Variants in FBXL7 observed in about 807,000 individuals in gnomAD.
The protein encoded by FBXL7 is F-box and leucine rich repeat protein 7, also known as F-box/LRR-repeat protein 7.
Under a neutral mutation model 38.3 loss-of-function variants are expected in FBXL7, and 12 were observed. That is an observed-to-expected ratio of 0.31 (90% CI 0.20 to 0.51). FBXL7 has a LOEUF of 0.51. Among genes scored for constraint, FBXL7 ranks in the 20% least tolerant of loss-of-function variants. The pLI is 0.98. For synonymous variants in FBXL7, 297 were observed against 300.9 expected (o/e 0.99, Z 0.13); for missense variants, 567 against 676.4 (o/e 0.84, Z 1.79).
rs979679770 is a variant in FBXL7, at chr5:15,514,974, C to T, written c.37+14261C>T. Among the ~76,000 whole-genome samples, 8 of 152,170 alleles carry T rather than the reference C, an allele frequency of 5.3e-5. No homozygotes were observed. The South Asian group carries it at 6.2e-4, about 12-fold the overall frequency. On this transcript the variant is annotated intron_variant, in intron 1 of 3. Coordinates refer to ENST00000504595, the MANE Select transcript of FBXL7 (RefSeq NM_012304.5). The stretch of plus-strand genomic sequence containing the variant: ...ACATCATAGACCACCTTCTCTCTGT[C>T]CAGTTTGCCTTCTCTCCTTGCCTTT...
chr5:15,625,291 T>C (rs1740774352), intron 2 of FBXL7, among the ~76,000 whole-genome samples: 1 of 152,192 alleles, frequency 6.6e-6, no homozygotes, highest in Admixed American at 6.5e-5. Context: ...TTAGTCATTA[T>C]ATAGGATCTA....
intron 1 of FBXL7, 78 bp downstream of exon 1, chr5:15,500,791 A>G: frequency 2.6e-6 from 4 of 1,542,264 alleles, no homozygotes; most frequent in Non-Finnish European, 3.5e-6. Context: ...CTGGGAAGGG[A>G]GGTTCTCGCC....
chr5:15,922,945 A>G (rs1379125781), intron 2 of FBXL7, among the ~76,000 whole-genome samples: 1 of 152,260 alleles, frequency 6.6e-6, no homozygotes, highest in African/African-American at 2.4e-5. Context: ...ATTCACTTGG[A>G]ATAGATATTC....
At chr5:15,706,443 C>G (rs1268462895) in intron 2 of FBXL7, among the ~76,000 whole-genome samples, 1 of 152,176 alleles carries the variant, frequency 6.6e-6, no homozygotes, top group Non-Finnish European at 1.5e-5. Context: ...GCCTGCAGAA[C>G]CATGAGCCAA....
intron 2 of FBXL7, among the ~76,000 whole-genome samples, chr5:15,620,778 T>C (rs1483578495): frequency 1.3e-5 from 2 of 152,184 alleles, no homozygotes; most frequent in African/African-American, 4.8e-5. Context: ...TGACTCATCA[T>C]GGTAATATTT....
chr5:15,541,557 T>TC (rs1318519941), intron 1 of FBXL7, among the ~76,000 whole-genome samples: 1 of 140,718 alleles, frequency 7.1e-6, no homozygotes, highest in Non-Finnish European at 1.6e-5. Context: ...TTTTTTTTTT[T>TC]TTTTTGAGAC....
intron 2 of FBXL7, among the ~76,000 whole-genome samples, chr5:15,731,173 A>G (rs1735572898): frequency 6.6e-6 from 1 of 152,160 alleles, no homozygotes; most frequent in Non-Finnish European, 1.5e-5. Context: ...GGGAGGAAGG[A>G]TCCTCAAGGG....
At chr5:15,635,988 T>C (rs1741176625) in intron 2 of FBXL7, among the ~76,000 whole-genome samples, 1 of 152,010 alleles carries the variant, frequency 6.6e-6, no homozygotes, top group Non-Finnish European at 1.5e-5. Flanking sequence ...CTCTGAACTA[T>C]TTGTCTATAG....
chr5:15,698,259 T>C (rs1356869482), intron 2 of FBXL7, among the ~76,000 whole-genome samples: 1 of 152,192 alleles, frequency 6.6e-6, no homozygotes, highest in African/African-American at 2.4e-5. Flanking sequence ...GGCAAATTGG[T>C]ACACATCCCA....
intron 2 of FBXL7, among the ~76,000 whole-genome samples, chr5:15,900,015 C>A (rs7715223): frequency 0.19 from 28,380 of 151,980 alleles, 2,765 homozygotes; most frequent in Admixed American, 0.25. Flanking sequence ...TACCTGGTAA[C>A]CACACTATGA....
At chr5:15,602,004 G>A (rs1739811098) in intron 1 of FBXL7, among the ~76,000 whole-genome samples, 1 of 152,112 alleles carries the variant, frequency 6.6e-6, no homozygotes, top group Admixed American at 6.5e-5. Flanking sequence ...GGCACACAGA[G>A]GGAAGACAGC....
At chr5:15,704,796 C>G (rs1025545438) in intron 2 of FBXL7, among the ~76,000 whole-genome samples, 1 of 152,106 alleles carries the variant, frequency 6.6e-6, no homozygotes, top group African/African-American at 2.4e-5. Context: ...GTATAAGTTA[C>G]TAGAGCCCTT....
intron 1 of FBXL7, among the ~76,000 whole-genome samples, chr5:15,515,476 T>C (rs1024934266): frequency 6.6e-6 from 1 of 152,170 alleles, no homozygotes; most frequent in Non-Finnish European, 1.5e-5. Context: ...ATTTGCCTGA[T>C]CCGTTTGCTC....
chr5:15,512,665 T>C (rs1430521058), intron 1 of FBXL7, among the ~76,000 whole-genome samples: 1 of 152,168 alleles, frequency 6.6e-6, no homozygotes, highest in Non-Finnish European at 1.5e-5. Context: ...TAGTTTTGCT[T>C]GTATATTTAA....
chr5:15,875,943 A>T (rs1740184468), intron 2 of FBXL7, among the ~76,000 whole-genome samples: 1 of 152,244 alleles, frequency 6.6e-6, no homozygotes, highest in Admixed American at 6.5e-5. Context: ...CTATAAAGAC[A>T]CATGCACACG....
intron 1 of FBXL7, among the ~76,000 whole-genome samples, chr5:15,509,597 A>C (rs1409834752): frequency 6.6e-6 from 1 of 152,202 alleles, no homozygotes; most frequent in Admixed American, 6.5e-5. Flanking sequence ...TAAAAACAAA[A>C]CCCCAAAACC....
Position 15,838,452 on chromosome 5 carries a change from C to T in FBXL7, c.128-89438C>T, listed in dbSNP as rs546645299. Among the ~76,000 whole-genome samples the T allele has an allele frequency of 9.2e-5, 14 of 152,168 alleles. 1 individual carries two copies. Among genetic ancestry groups the T allele is most frequent in the African/African-American group, 3.4e-4 (14 of 41,500 alleles). Reference sequence around the variant, plus strand: ...CATGACCTAATCACCTCCCAGGCACCCCACCTCCTAATGCCATAACATTGG... The same window carrying T: ...CATGACCTAATCACCTCCCAGGCACTCCACCTCCTAATGCCATAACATTGG... On this transcript the variant is annotated intron_variant, in intron 2 of 3. Coordinates refer to ENST00000504595, the MANE Select transcript of FBXL7 (RefSeq NM_012304.5).
chr5:15,877,418 T>C (rs1740255147), intron 2 of FBXL7, among the ~76,000 whole-genome samples: 1 of 152,196 alleles, frequency 6.6e-6, no homozygotes, highest in Admixed American at 6.5e-5. Context: ...TTCCTTCTTG[T>C]TGCCTGTTAA....
At chr5:15,896,608 C>A (rs544052798) in intron 2 of FBXL7, among the ~76,000 whole-genome samples, 1 of 152,250 alleles carries the variant, frequency 6.6e-6, no homozygotes, top group South Asian at 2.1e-4. Context: ...GCCAGTTCCT[C>A]CTTCCTCTGC....
Sources: gnomAD v4.1 joint callset for allele counts (sites outside exome capture counted in the v4.1 genomes callset) on GRCh38, gnomAD v4.1.1 for gene constraint, MANE v1.5 for transcripts, NCBI Gene and HGNC (gene_info 2026-07-23, HGNC 2026-07-21) for gene names.